Variants in LYRM1 observed in about 807,000 individuals in gnomAD.
LYRM1 encodes LYR motif containing 1.
A neutral mutation model predicts 14.9 loss-of-function variants in LYRM1; 14 were observed. The observed-to-expected ratio is 0.94, with a 90% confidence interval of 0.62 to 1.47. The LOEUF is 1.47. LYRM1 is among the 40% of genes most tolerant of loss of function. The probability of loss-of-function intolerance (pLI) is 0.00; values close to 1 mark genes in which losing one functional copy is unlikely to be tolerated. For synonymous variants in LYRM1, 43 were observed against 56.2 expected (o/e 0.77, Z 1.05); for missense variants, 153 against 149.9 (o/e 1.02, Z -0.11).
chr16:20,923,675 G>GT (rs1263902283), intron 3 of LYRM1, among the ~76,000 whole-genome samples: 4 of 152,014 alleles, frequency 2.6e-5, no homozygotes, highest in Non-Finnish European at 5.9e-5. Context: ...ATCCATGCTC[G>GT]TTTTTTCTCC....
At chr16:20,903,120 A>G (rs544802233) in intron 1 of LYRM1, among the ~76,000 whole-genome samples, 11 of 152,242 alleles carry the variant, frequency 7.2e-5, no homozygotes, top group African/African-American at 2.7e-4. Context: ...CTGACAAGAC[A>G]GATATTGCCT....
intron 2 of LYRM1, among the ~76,000 whole-genome samples, chr16:20,919,785 A>C (rs1424929577): frequency 2.6e-5 from 4 of 152,216 alleles, no homozygotes; most frequent in African/African-American, 9.7e-5. Flanking sequence ...CAGCTTCTAC[A>C]TACATGTGCA....
chr16:20,915,016 C>A (rs1183052560), intron 1 of LYRM1, among the ~76,000 whole-genome samples: 4 of 152,144 alleles, frequency 2.6e-5, no homozygotes, highest in African/African-American at 4.8e-5. Flanking sequence ...ATAAATGTGG[C>A]CACCATGGCA....
intron 1 of LYRM1, among the ~76,000 whole-genome samples, chr16:20,912,109 A>AT (rs1042214169): frequency 4.0e-5 from 6 of 151,776 alleles, no homozygotes; most frequent in East Asian, 1.9e-4. Flanking sequence ...CAATTTTTGT[A>AT]TTTTTTTACA....
At chr16:20,913,099 T>TTAAA (rs749800928) in intron 1 of LYRM1, among the ~76,000 whole-genome samples, 2 of 143,674 alleles carry the variant, frequency 1.4e-5, no homozygotes, top group Non-Finnish European at 3.0e-5. Flanking sequence ...ATAATAATAA[T>TTAAA]TAAATAAATA....
intron 3 of LYRM1, among the ~76,000 whole-genome samples, chr16:20,920,917 T>C (rs903501890): frequency 1.5e-5 from 2 of 133,806 alleles, no homozygotes; most frequent in African/African-American, 5.3e-5. Context: ...AATTTATATA[T>C]ATAAATTTAA....
At chr16:20,916,933 A>T (rs1283175959) in intron 2 of LYRM1, among the ~76,000 whole-genome samples, 1 of 152,196 alleles carries the variant, frequency 6.6e-6, no homozygotes, top group Non-Finnish European at 1.5e-5. Context: ...AAAGTGCTAC[A>T]AAGGCTGGAC....
chr16:20,907,711 T>C lies in LYRM1; in HGVS notation c.-1+6822T>C, dbSNP rs142590375. ...CCCACGTCACATCCTTTGCTCCTGT[T>C]GTTCCCTCTACTTGCACCAGCTTCC... On this transcript the variant is annotated intron_variant, in intron 1 of 3. Transcript: ENST00000567954. Among the ~76,000 whole-genome samples, 200 of 152,276 alleles carry C rather than the reference T, an allele frequency of 1.3e-3. 1 individual carries two copies. Among genetic ancestry groups the C allele is most frequent in the African/African-American group, 4.6e-3 (192 of 41,556 alleles).
At chr16:20,904,091 C>G (rs2152526714) in intron 1 of LYRM1, among the ~76,000 whole-genome samples, 1 of 152,280 alleles carries the variant, frequency 6.6e-6, no homozygotes, top group South Asian at 2.1e-4. Flanking sequence ...TTCACCACCT[C>G]TGACTGACCC....
chr16:20,915,105 T>A (rs1442141620), intron 1 of LYRM1, among the ~76,000 whole-genome samples: 1 of 152,134 alleles, frequency 6.6e-6, no homozygotes, highest in Non-Finnish European at 1.5e-5. Flanking sequence ...TATTAGATGG[T>A]TTCAGCAATG....
chr16:20,904,727 T>TGTG (rs2082238727), intron 1 of LYRM1, among the ~76,000 whole-genome samples: 1 of 34,816 alleles, frequency 2.9e-5, no homozygotes, highest in Non-Finnish European at 8.3e-5. Flanking sequence ...GTGTGTGTGT[T>TGTG]TAATTGATAG....
At chr16:20,917,383 T>C (rs1885744200) in intron 2 of LYRM1, among the ~76,000 whole-genome samples, 1 of 151,796 alleles carries the variant, frequency 6.6e-6, no homozygotes, top group Admixed American at 6.6e-5. Context: ...TTAGTACATA[T>C]ATATAATTTA....
chr16:20,915,710 A>G lies in LYRM1; in HGVS notation c.155A>G (p.Lys52Arg), dbSNP rs1306826388. 1.2e-6 allele frequency: 2 copies of G among 1,613,840 alleles called. No individual in the cohort carries two copies. Among genetic ancestry groups the G allele is most frequent in the East Asian group, 2.2e-5 (1 of 44,874 alleles). ...NEARTLFRKNKNLTDTDLIKQ... is the reference protein window; with the variant it reads ...NEARTLFRKNRNLTDTDLIKQ... ...GCCAGAACGCTGTTCCGGAAAAACA[A>G]AAATGTAAGTAGGCCCCACTTGGAG... is the stretch of plus-strand genomic sequence containing the variant. The change falls in exon 2 of 4, where the codon AAA becomes AGA. Residue 52 changes from lysine (K) to arginine (R), a missense_variant. Coordinates refer to ENST00000567954, the MANE Select transcript of LYRM1 (RefSeq NM_001128302.3).
In LYRM1 at chr16:20,924,732, C is replaced by T. The variant is rs1183751283; in HGVS notation, c.*616C>T. On this transcript the variant is annotated 3_prime_UTR_variant, in exon 4 of 4. Coordinates refer to ENST00000567954, the MANE Select transcript of LYRM1 (RefSeq NM_001128302.3). ...AAAGCCTGTCATTACTTAGGATGCA[C>T]TTATAGGATCTGAAAAGCTCACTTT... The T allele has an allele frequency of 1.3e-5, 2 of 152,158 alleles. No individual in the cohort carries two copies. The highest frequency in any genetic ancestry group is 4.8e-5 in the African/African-American group (2 of 41,428). 9.4% of individuals were successfully genotyped at this position (152,158 alleles called of 1,614,324 possible).
chr16:20,907,695 C>T (rs2032254460), intron 1 of LYRM1, among the ~76,000 whole-genome samples: 1 of 152,144 alleles, frequency 6.6e-6, no homozygotes, highest in Non-Finnish European at 1.5e-5. Flanking sequence ...TCCCACGTCA[C>T]ATCCTTTGCT....
At chr16:20,906,454 T>C (rs2082326708) in intron 1 of LYRM1, among the ~76,000 whole-genome samples, 1 of 152,166 alleles carries the variant, frequency 6.6e-6, no homozygotes, top group Admixed American at 6.5e-5. Flanking sequence ...TATACTACGG[T>C]CATGAGTTCT....
chr16:20,915,438 C>T (rs1176276877), intron 1 of LYRM1, 118 bp from the exon 2 acceptor site: 27 of 946,380 alleles, frequency 2.9e-5, no homozygotes, highest in South Asian at 8.5e-5. Flanking sequence ...ACAGCCTGGG[C>T]GACAGAGCAA....
intron 1 of LYRM1, among the ~76,000 whole-genome samples, chr16:20,906,288 C>T (rs1006553488): frequency 2.3e-4 from 35 of 152,242 alleles, no homozygotes; most frequent in African/African-American, 8.4e-4. Flanking sequence ...AGCAAATAGG[C>T]AAAGAAAGGG....
chr16:20,906,161 A>AACATTATG (rs1442871603), intron 1 of LYRM1, among the ~76,000 whole-genome samples: 2 of 152,222 alleles, frequency 1.3e-5, no homozygotes, highest in African/African-American at 4.8e-5. Context: ...GAGTAGGATG[A>AACATTATG]ACATTATGAC....
Sources: allele counts gnomAD v4.1 joint callset (sites outside exome capture counted in the v4.1 genomes callset), GRCh38; gene constraint gnomAD v4.1.1; transcripts MANE v1.5; gene names NCBI Gene and HGNC (gene_info 2026-07-23, HGNC 2026-07-21).